The following KALRN variants were observed in gnomAD, a reference collection of about 807,000 sequenced individuals.
The protein encoded by KALRN is kalirin RhoGEF kinase, also known as kalirin.
Under a neutral mutation model 353.7 loss-of-function variants are expected in KALRN, and 70 were observed. The ratio of observed to expected loss-of-function variants is 0.20; its 90% confidence interval spans 0.16 to 0.24. The LOEUF (loss-of-function observed/expected upper bound fraction) is 0.24. Among genes scored for constraint, KALRN ranks in the 10% least tolerant of loss-of-function variants. The probability of loss-of-function intolerance (pLI) is 1.00; values close to 1 mark genes in which losing one functional copy is unlikely to be tolerated. For missense variants in KALRN, 2,791 were observed against 3,756.7 expected, an observed-to-expected ratio of 0.74 and a Z score of 6.72; for synonymous variants, 1,391 against 1,434.8, an observed-to-expected ratio of 0.97 and a Z score of 0.69.
At chr3:124,587,055 A>C (rs2075268336) in intron 34 of KALRN, among the ~76,000 whole-genome samples, 1 of 152,218 alleles carries the variant, frequency 6.6e-6, no homozygotes, top group South Asian at 2.1e-4. Context: ...CTCTTTGGGA[A>C]GAGGCTTGCC....
chr3:124,725,044 A>G lies in KALRN; in HGVS notation c.*5574A>G, dbSNP rs1009343889. On this transcript the variant is annotated 3_prime_UTR_variant, in exon 60 of 60. Coordinates refer to ENST00000682506, the MANE Select transcript of KALRN (RefSeq NM_001388419.1). ...CATGGTAGAAGAAATGCAAATAACA[A>G]TTCTTGGAATGCCAACTCCTGAGGC... 1.3e-5 allele frequency: 2 copies of G among 152,218 alleles called. No homozygotes were observed. Among genetic ancestry groups the G allele is most frequent in the African/African-American group, 4.8e-5 (2 of 41,464 alleles). 9.4% of individuals were successfully genotyped at this position (152,218 alleles called of 1,614,324 possible). A position where few individuals can be genotyped will look rare whatever the true frequency, so the allele number is the denominator to read the frequency against.
chr3:124,057,791 A>G (rs2041683458), intron 1 of KALRN, among the ~76,000 whole-genome samples: 1 of 152,150 alleles, frequency 6.6e-6, no homozygotes, highest in Admixed American at 6.5e-5. Flanking sequence ...TGTCCTTTCC[A>G]TCGGTGAGAC....
Position 124,657,518 on chromosome 3 carries a change from G to A in KALRN, c.5933G>A (p.Gly1978Glu), listed in dbSNP as rs761942959. 2 of 1,614,002 alleles carry A rather than the reference G, an allele frequency of 1.2e-6. No homozygotes were observed. Among genetic ancestry groups the A allele is most frequent in the East Asian group, 2.2e-5 (1 of 44,882 alleles). ...DMRGKDKIVF[G>E]NIHQIYDWHK... is the part of the protein sequence containing the mutation. Reference sequence around the variant, plus strand: ...CGAGGAAAGGACAAAATCGTGTTTGGAAATATTCATCAGATTTATGACTGG... The same window carrying A: ...CGAGGAAAGGACAAAATCGTGTTTGAAAATATTCATCAGATTTATGACTGG... Residue 1978 changes from glycine to glutamate, a missense_variant, in exon 40 of 60, where the codon GGA becomes GAA. Around this residue, in one of 11 missense-constraint regions of KALRN, gnomAD observed 1,065 missense variants for 1,156.4 expected, o/e 0.92. Transcript: ENST00000682506.
chr3:124,236,355 A>G (rs2079762312), intron 3 of KALRN, among the ~76,000 whole-genome samples: 1 of 152,220 alleles, frequency 6.6e-6, no homozygotes, highest in African/African-American at 2.4e-5. Context: ...AGGTAGACTA[A>G]ATAACTCGTG....
intron 26 of KALRN, among the ~76,000 whole-genome samples, chr3:124,475,305 T>G (rs1188360300): frequency 6.6e-6 from 1 of 152,212 alleles, no homozygotes; most frequent in African/African-American, 2.4e-5. Context: ...ACCCACAAGA[T>G]GAGTGACTGT....
intron 33 of KALRN, among the ~76,000 whole-genome samples, chr3:124,511,329 C>T (rs925890476): frequency 6.6e-6 from 1 of 152,144 alleles, no homozygotes; most frequent in Non-Finnish European, 1.5e-5. Flanking sequence ...TTTGGATGAC[C>T]TCTTGCATTC....
At chr3:124,525,418 G>A (rs1298623677) in intron 33 of KALRN, among the ~76,000 whole-genome samples, 1 of 152,238 alleles carries the variant, frequency 6.6e-6, no homozygotes. Flanking sequence ...CCTGTGTTGA[G>A]TTCTGCTGGG....
chr3:124,536,685 A>G (rs548665139), intron 33 of KALRN, among the ~76,000 whole-genome samples: 2 of 152,382 alleles, frequency 1.3e-5, no homozygotes, highest in East Asian at 1.9e-4. Context: ...CTTATTCCAT[A>G]TATCATAAAG....
chr3:124,526,015 C>T (rs922261989), intron 33 of KALRN, among the ~76,000 whole-genome samples: 1 of 152,118 alleles, frequency 6.6e-6, no homozygotes, highest in Admixed American at 6.5e-5. Flanking sequence ...AATGGCACAG[C>T]AATATGTTGC....
chr3:124,516,958 C>T (rs1041302124), intron 33 of KALRN, among the ~76,000 whole-genome samples: 3 of 152,120 alleles, frequency 2.0e-5, no homozygotes, highest in African/African-American at 4.8e-5. Flanking sequence ...GCTGGGATTA[C>T]AGGCGCCTGC....
intron 1 of KALRN, among the ~76,000 whole-genome samples, chr3:124,056,201 C>T (rs952435083): frequency 2.0e-5 from 3 of 152,130 alleles, no homozygotes; most frequent in Non-Finnish European, 4.4e-5. Context: ...GTTGAGGGGG[C>T]ATTTTACAGG....
At chr3:124,352,667 T>C (rs536818444) in intron 10 of KALRN, among the ~76,000 whole-genome samples, 1 of 149,122 alleles carries the variant, frequency 6.7e-6, no homozygotes, top group Non-Finnish European at 1.5e-5. Flanking sequence ...ACCCTTGTGG[T>C]TTTTTTGTTT....
chr3:124,151,419 G>GT (rs771696214), intron 1 of KALRN, among the ~76,000 whole-genome samples: 14 of 152,212 alleles, frequency 9.2e-5, no homozygotes, highest in South Asian at 8.3e-4. Flanking sequence ...TTATGTTTTT[G>GT]TTTTTTGCAT....
At chr3:124,223,706 T>C (rs1442216647) in intron 1 of KALRN, among the ~76,000 whole-genome samples, 2 of 152,140 alleles carry the variant, frequency 1.3e-5, no homozygotes, top group East Asian at 3.9e-4. Context: ...CCAGGTGCCC[T>C]GGGGAATATA....
chr3:124,354,108 G>A (rs1581268190), intron 10 of KALRN, among the ~76,000 whole-genome samples: 1 of 152,212 alleles, frequency 6.6e-6, no homozygotes, highest in East Asian at 1.9e-4. Flanking sequence ...ATATTATAGA[G>A]AGCCTACCAT....
chr3:124,677,540 A>G lies in KALRN; in HGVS notation c.7194-650A>G, dbSNP rs539294600. 14 of 455,968 alleles carry G rather than the reference A, an allele frequency of 3.1e-5. 1 individual carries two copies. Among genetic ancestry groups the G allele is most frequent in the South Asian group, 1.2e-4 (8 of 64,340 alleles). The allele number at this position is 455,968 out of a possible 1,614,324, so 28.2% of individuals were successfully genotyped here. A position where few individuals can be genotyped will look rare whatever the true frequency, so the allele number is the denominator to read the frequency against. On this transcript the variant is annotated intron_variant, in intron 49 of 59. Transcript: ENST00000682506. ...AGGACCTCTACAGGCTGACAAAGCC[A>G]TATATTCACAAACACTGAGTGATAT...
At chr3:124,681,777 A>C (rs923076935) in intron 51 of KALRN, among the ~76,000 whole-genome samples, 1 of 151,898 alleles carries the variant, frequency 6.6e-6, no homozygotes, top group Admixed American at 6.6e-5. Flanking sequence ...CCACAGGTGC[A>C]CACCACCATG....
chr3:124,349,745 C>T (rs2082654130), intron 10 of KALRN, among the ~76,000 whole-genome samples: 1 of 152,072 alleles, frequency 6.6e-6, no homozygotes, highest in African/African-American at 2.4e-5. Context: ...GCCTCATAGC[C>T]AATGAGGACC....
At chr3:124,703,159 G>A (rs1205053894) in intron 57 of KALRN, among the ~76,000 whole-genome samples, 3 of 152,176 alleles carry the variant, frequency 2.0e-5, no homozygotes, top group African/African-American at 7.2e-5. Flanking sequence ...TGTGACCGAC[G>A]TTGTAGAGGA....
Sources: allele counts gnomAD v4.1 joint callset (sites outside exome capture counted in the v4.1 genomes callset), GRCh38; gene constraint gnomAD v4.1.1; regional missense constraint gnomAD v4.1.1; transcripts MANE v1.5; gene names NCBI Gene and HGNC (gene_info 2026-07-23, HGNC 2026-07-21).